GNA12: variants seen among roughly 807,000 people sequenced by gnomAD.
GNA12 encodes guanine nucleotide-binding protein subunit alpha-12.
A neutral mutation model predicts 26.0 loss-of-function variants in GNA12; 9 were observed. The observed-to-expected ratio is 0.35, with a 90% CI of 0.21 to 0.60. The LOEUF (loss-of-function observed/expected upper bound fraction) is 0.60, where lower values mean the gene tolerates loss of function less well. GNA12 is among the 20% of genes least tolerant of loss of function. The pLI, the probability that GNA12 is intolerant of heterozygous loss-of-function variation, is 0.78. For missense variants in GNA12, 405 were observed against 525.8 expected, an observed-to-expected ratio of 0.77 and a Z score of 2.25; for synonymous variants, 264 against 219.6, an observed-to-expected ratio of 1.20 and a Z score of -1.79.
chr7:2,820,031 A>G (rs1396701752), intron 1 of GNA12, among the ~76,000 whole-genome samples: 1 of 152,254 alleles, frequency 6.6e-6, no homozygotes, highest in East Asian at 1.9e-4. Context: ...AGGGAATGCT[A>G]TTCGGCCGCT....
intron 2 of GNA12, among the ~76,000 whole-genome samples, chr7:2,756,290 A>G (rs1791290416): frequency 1.3e-5 from 2 of 152,222 alleles, no homozygotes; most frequent in African/African-American, 4.8e-5. Flanking sequence ...GAAAATCAAA[A>G]AAGGACATTG....
At chr7:2,760,453 C>T (rs901500928) in intron 2 of GNA12, 1 of 152,470 alleles carries the variant, frequency 6.6e-6, no homozygotes, top group Admixed American at 6.5e-5. Context: ...GTGGTAAGCA[C>T]CTGAGAACCA....
chr7:2,781,500 A>C (rs149000819), intron 2 of GNA12, among the ~76,000 whole-genome samples: 67 of 147,534 alleles, frequency 4.5e-4, no homozygotes, highest in Admixed American at 3.0e-3. Flanking sequence ...TACTTATCTA[A>C]TTCTGCACCA....
chr7:2,842,110 G>GAATGGAAGGAAGAAAGGAAGAAAAGGAA (rs1458664217), intron 1 of GNA12, among the ~76,000 whole-genome samples: 1 of 145,362 alleles, frequency 6.9e-6, no homozygotes, highest in Non-Finnish European at 1.5e-5. Flanking sequence ...AAGGAAGGAA[G>GAATGGAAGGAAGAAAGGAAGAAAAGGAA]GGAAGGGAGG....
intron 1 of GNA12, among the ~76,000 whole-genome samples, chr7:2,800,932 T>G (rs1792794762): frequency 6.6e-6 from 1 of 151,900 alleles, no homozygotes; most frequent in Non-Finnish European, 1.5e-5. Context: ...ACCAAAAAGG[T>G]TCAAGAACCC....
At chr7:2,832,456 G>A (rs1345812162) in intron 1 of GNA12, among the ~76,000 whole-genome samples, 2 of 152,184 alleles carry the variant, frequency 1.3e-5, no homozygotes, top group Non-Finnish European at 2.9e-5. Context: ...ACAGGCACTC[G>A]AGGGCTGCGA....
At chr7:2,837,787 TGAC>T (rs1183827894) in intron 1 of GNA12, among the ~76,000 whole-genome samples, 3 of 150,278 alleles carry the variant, frequency 2.0e-5, no homozygotes, top group African/African-American at 7.4e-5. Flanking sequence ...AGAAAGGAAA[TGAC>T]AACAGAAGAA....
At chr7:2,782,721 GCCA>G (rs755057688) in intron 2 of GNA12, among the ~76,000 whole-genome samples, 20 of 151,292 alleles carry the variant, frequency 1.3e-4, no homozygotes, top group Non-Finnish European at 1.2e-4. Context: ...TGATTTACCA[GCCA>G]CCGTCACTTC....
Position 2,758,116 on chromosome 7 carries a change from G to A in GNA12, c.526-24615C>T, listed in dbSNP as rs1010309011. On this transcript the variant is annotated intron_variant, in intron 2 of 3. Coordinates refer to ENST00000275364, the MANE Select transcript of GNA12 (RefSeq NM_007353.3). ...TGTTGCTTCAGGCTCTTTATGGAAAGCCCCTCTATTTTTACTATCCTATTC... is the reference window on the plus strand; with the variant it reads ...TGTTGCTTCAGGCTCTTTATGGAAAACCCCTCTATTTTTACTATCCTATTC... Among the ~76,000 whole-genome samples the A allele has an allele frequency of 2.0e-4, 31 of 152,234 alleles. 1 individual carries two copies. Among genetic ancestry groups the A allele is most frequent in the Admixed American group, 9.2e-4 (14 of 15,292 alleles).
intron 1 of GNA12, among the ~76,000 whole-genome samples, chr7:2,807,505 T>C (rs1246288009): frequency 6.6e-6 from 1 of 151,880 alleles, no homozygotes; most frequent in African/African-American, 2.4e-5. Context: ...TTGAATTTGA[T>C]GGGAGATTTA....
chr7:2,823,978 C>T (rs1793424710), intron 1 of GNA12, among the ~76,000 whole-genome samples: 1 of 152,192 alleles, frequency 6.6e-6, no homozygotes, highest in African/African-American at 2.4e-5. Flanking sequence ...ATGCCACCAC[C>T]ATTCTTTTTG....
Position 2,835,870 on chromosome 7 carries a change from C to A in GNA12, c.309+7983G>T, listed in dbSNP as rs190050198. 9 of 590,064 alleles carry A rather than the reference C, an allele frequency of 1.5e-5. No individual in the cohort carries two copies. In the Admixed American group the frequency reaches 2.0e-4, roughly 13 times the overall value. The allele number at this position is 590,064 out of a possible 1,614,324, so 36.6% of individuals were successfully genotyped here. On this transcript the variant is annotated intron_variant, in intron 1 of 3. Coordinates refer to ENST00000275364, the MANE Select transcript of GNA12 (RefSeq NM_007353.3). ...CATTAGCCATTCTCAAGAAGAAACACAGGAAATGTTAGAAGCAGCAAATAA... is the reference window on the plus strand; with the variant it reads ...CATTAGCCATTCTCAAGAAGAAACAAAGGAAATGTTAGAAGCAGCAAATAA...
intron 3 of GNA12, among the ~76,000 whole-genome samples, 173 bp downstream of exon 3, chr7:2,733,278 C>T (rs575787641): frequency 4.6e-5 from 7 of 152,286 alleles, no homozygotes; most frequent in South Asian, 2.1e-4. Flanking sequence ...CCCACTGAGA[C>T]GGGGCCCAGA....
chr7:2,754,223 G>T (rs1324337360), intron 2 of GNA12, among the ~76,000 whole-genome samples: 2 of 152,182 alleles, frequency 1.3e-5, no homozygotes, highest in Non-Finnish European at 2.9e-5. Context: ...AATTGGCAGT[G>T]ACTCAATGGC....
chr7:2,832,341 A>G (rs1016463690), intron 1 of GNA12, among the ~76,000 whole-genome samples: 1 of 152,174 alleles, frequency 6.6e-6, no homozygotes, highest in Admixed American at 6.5e-5. Context: ...CACACAGCAG[A>G]GCACAAAGCC....
At chr7:2,825,107 C>G (rs371399152) in intron 1 of GNA12, among the ~76,000 whole-genome samples, 1 of 152,210 alleles carries the variant, frequency 6.6e-6, no homozygotes, top group Non-Finnish European at 1.5e-5. Context: ...AGACAGGTTA[C>G]AACAATTTAC....
chr7:2,839,316 C>T (rs1778924487), intron 1 of GNA12, among the ~76,000 whole-genome samples: 2 of 152,184 alleles, frequency 1.3e-5, no homozygotes, highest in Non-Finnish European at 2.9e-5. Flanking sequence ...TCACTGCAAC[C>T]TTTGCCTCCC....
chr7:2,762,740 C>G (rs561225294), intron 2 of GNA12: 4 of 1,554,730 alleles, frequency 2.6e-6, no homozygotes, highest in African/African-American at 2.7e-5. Flanking sequence ...TCCTCCCTCC[C>G]GCAGGAAGTG....
chr7:2,734,258 C>T (rs1401213829), intron 2 of GNA12, among the ~76,000 whole-genome samples: 1 of 152,212 alleles, frequency 6.6e-6, no homozygotes, highest in Non-Finnish European at 1.5e-5. Flanking sequence ...CCACCGACCA[C>T]AGAGCAGCCC....
Sources: allele counts gnomAD v4.1 joint callset (sites outside exome capture counted in the v4.1 genomes callset), GRCh38; gene constraint gnomAD v4.1.1; transcripts MANE v1.5; gene names NCBI Gene and HGNC (gene_info 2026-07-23, HGNC 2026-07-21).